Variants in H1-3 observed in about 807,000 individuals in gnomAD.
The protein encoded by H1-3 is histone H1.3.
H1-3 carries 4 observed loss-of-function variants against 3.6 expected under a neutral mutation model. That is an observed-to-expected ratio of 1.12 (90% CI 0.55 to 2.57). H1-3 has a LOEUF of 2.57. H1-3 is among the 30% of genes most tolerant of loss of function. The pLI, the probability that H1-3 is intolerant of heterozygous loss-of-function variation, is 0.02. For synonymous variants in H1-3, 266 were observed against 110.0 expected, an observed-to-expected ratio of 2.42 and a Z score of -8.87; for missense variants, 670 against 274.3, an observed-to-expected ratio of 2.44 and a Z score of -10.19.
At position 26,234,590 on chromosome 6, in the gene H1-3, C is replaced by T; in HGVS notation, c.344G>A (p.Gly115Glu). The change falls in exon 1 of 1, where the codon GGG (glycine) becomes GAG (glutamate). Residue 115 changes from glycine (G) to glutamate (E), a missense_variant. Gly to Glu is a moderately conservative substitution (Grantham distance 98). Transcript: ENST00000244534. ...CTTTTTGGCCTTGGGTTTGCCTTCC[C>T]CGGAAGCCGCTTTCTTGTTGAGTTT... ...SFKLNKKAAS[G>E]EGKPKAKKAG... is the part of the protein sequence containing the mutation. The T allele has an allele frequency of 6.2e-7, 1 of 1,613,908 alleles. No homozygotes were observed. Among genetic ancestry groups the T allele is most frequent in the South Asian group, 1.1e-5 (1 of 91,074 alleles).
Position 26,234,517 on chromosome 6 carries a change from G to A in H1-3, c.417C>T (p.Pro139=), listed in dbSNP as rs765464375. ...GGGTAGCGGCGCCAGCCACCTTCTT[G>A]GGCTTCTTGGCTGCCCCAGCAGGCT... is the stretch of plus-strand genomic sequence containing the variant. ...PRKPAGAAKK[P]KKVAGAATPK... The change falls in exon 1 of 1, where the codon CCC becomes CCT. Residue 139 remains proline, a synonymous_variant. Transcript: ENST00000244534. 3.1e-6 allele frequency: 5 copies of A among 1,613,712 alleles called. No homozygotes were observed. Among genetic ancestry groups the A allele is most frequent in the Non-Finnish European group, 3.4e-6 (4 of 1,179,912 alleles).
At position 26,234,883 on chromosome 6, in the gene H1-3, T is replaced by C; in HGVS notation, c.51A>G (p.Lys17=). ...TCTTCGCCTTTTTCTTCACAGGTGTTTTTTCTGCGGGTGCAGGAATGGTAG... is the reference window on the plus strand; with the variant it reads ...TCTTCGCCTTTTTCTTCACAGGTGTCTTTTCTGCGGGTGCAGGAATGGTAG... ...LAPTIPAPAE[K]TPVKKKAKKA... Residue 17 remains lysine, a synonymous_variant, in exon 1 of 1, where the codon AAA becomes AAG. Coordinates refer to ENST00000244534, the MANE Select transcript of H1-3 (RefSeq NM_005320.3). 2 of 1,613,084 alleles carry C rather than the reference T, an allele frequency of 1.2e-6. No individual in the cohort carries two copies. Among genetic ancestry groups the C allele is most frequent in the Non-Finnish European group, 1.7e-6 (2 of 1,179,752 alleles).
rs891905201 is a variant in H1-3, at chr6:26,234,320, G to C, written c.614C>G (p.Ser205Trp). Residue 205 changes from serine to tryptophan, a missense_variant, in exon 1 of 1, where the codon TCG becomes TGG. Coordinates refer to ENST00000244534, the MANE Select transcript of H1-3 (RefSeq NM_005320.3). ...APKPKAAKPK[S>W]GKPKVTKAKK... ...TGCCTTTGTAACCTTCGGCTTCCCC[G>C]ACTTAGGCTTGGCCGCCTTGGGCTT... 8.1e-6 allele frequency: 13 copies of C among 1,611,838 alleles called. No homozygotes were observed. The highest frequency in any genetic ancestry group is 1.7e-4 in the Middle Eastern group (1 of 6,044).
In H1-3 at chr6:26,234,315, T is replaced by C. The variant is rs758067755; in HGVS notation, c.619A>G (p.Lys207Glu). The change falls in exon 1 of 1, where the codon AAG (lysine) becomes GAG (glutamate). Residue 207 changes from lysine to glutamate, a missense_variant. Lys to Glu is a moderately conservative substitution (Grantham distance 56). Transcript: ENST00000244534. ...TTCTTTGCCTTTGTAACCTTCGGCT[T>C]CCCCGACTTAGGCTTGGCCGCCTTG... ...KPKAAKPKSG[K>E]PKVTKAKKAA... is the part of the protein sequence containing the mutation. 4 of 1,610,640 alleles carry C rather than the reference T, an allele frequency of 2.5e-6. No homozygotes were observed. The Middle Eastern group carries it at 5.0e-4, about 200-fold the overall frequency.
chr6:26,234,396 T>C lies in H1-3; in HGVS notation c.538A>G (p.Thr180Ala), dbSNP rs549078527. Residue 180 changes from threonine (T) to alanine (A), a missense_variant, in exon 1 of 1, where the codon ACA becomes GCA. Physicochemically the swap from Thr to Ala is moderately conservative, Grantham distance 58. Coordinates refer to ENST00000244534, the MANE Select transcript of H1-3 (RefSeq NM_005320.3). ...TTGGCAGCTTTTTTTGGCTGAGGTG[T>C]TTTCACCTTTTTCGCACTCTTGGCC... Reference protein sequence around the residue: ...KVAKSAKKVKTPQPKKAAKSP... With the variant: ...KVAKSAKKVKAPQPKKAAKSP... 7 of 1,614,044 alleles carry C rather than the reference T, an allele frequency of 4.3e-6. No homozygotes were observed. Among genetic ancestry groups the C allele is most frequent in the African/African-American group, 4.0e-5 (3 of 74,914 alleles).
Position 26,234,945 on chromosome 6 carries a change from C to T in H1-3, c.-12G>A, listed in dbSNP as rs111312434. ...GCAGTCTCCGACATGTTTTTGTCTT[C>T]CCAGAAAAGACAATAAGTAATCTCA... On this transcript the variant is annotated 5_prime_UTR_variant, in exon 1 of 1. Coordinates refer to ENST00000244534, the MANE Select transcript of H1-3 (RefSeq NM_005320.3). The T allele has an allele frequency of 3.7e-5, 59 of 1,585,882 alleles. No individual in the cohort carries two copies. In the African/African-American group the frequency reaches 5.0e-4, roughly 14 times the overall value.
Position 26,234,220 on chromosome 6 carries a change from T to C in H1-3, c.*48A>G. On this transcript the variant is annotated 3_prime_UTR_variant, in exon 1 of 1. Transcript: ENST00000244534. ...CTTTTGACTGAGACCTGTGGGTGGC[T>C]CTGAAAAGAGCCGTTTAAAATTTTC... 1 of 1,537,302 alleles carries C rather than the reference T, an allele frequency of 6.5e-7. No individual in the cohort carries two copies. Among genetic ancestry groups the C allele is most frequent in the Non-Finnish European group, 8.7e-7 (1 of 1,143,568 alleles).
In H1-3 at chr6:26,234,393, G is replaced by A. The variant is rs532920209; in HGVS notation, c.541C>T (p.Pro181Ser). The A allele has an allele frequency of 3.8e-5, 62 of 1,614,226 alleles. No individual in the cohort carries two copies. In the South Asian group the frequency reaches 4.6e-4, roughly 12 times the overall value. The stretch of plus-strand genomic sequence containing the variant: ...CTCTTGGCAGCTTTTTTTGGCTGAG[G>A]TGTTTTCACCTTTTTCGCACTCTTG... ...VAKSAKKVKTPQPKKAAKSPA... is the reference protein window; with the variant it reads ...VAKSAKKVKTSQPKKAAKSPA... The change falls in exon 1 of 1, where the codon CCT becomes TCT. Residue 181 changes from proline (P) to serine (S), a missense_variant. By Grantham distance (74) the Pro-to-Ser change is moderately conservative (BLOSUM62 -1). Transcript: ENST00000244534.
chr6:26,234,870 T>G lies in H1-3; in HGVS notation c.64A>C (p.Lys22Gln). 1 of 1,613,796 alleles carries G rather than the reference T, an allele frequency of 6.2e-7. No homozygotes were observed. The highest frequency in any genetic ancestry group is 1.1e-5 in the South Asian group (1 of 91,040). Residue 22 changes from lysine (K) to glutamine (Q), a missense_variant, in exon 1 of 1, where the codon AAA becomes CAA. Transcript: ENST00000244534. ...PAPAEKTPVK[K>Q]KAKKAGATAG... ...GTTGCGCCTGCCTTCTTCGCCTTTT[T>G]CTTCACAGGTGTTTTTTCTGCGGGT...
chr6:26,234,466 A>G lies in H1-3; in HGVS notation c.468T>C (p.Pro156=), dbSNP rs1490284527. The part of the protein sequence containing the change: ...ATPKKSIKKT[P]KKVKKPATAA... ...CGGTTGCTGGCTTCTTTACCTTCTT[A>G]GGAGTCTTTTTGATGCTTTTCTTCG... The change falls in exon 1 of 1, where the codon CCT becomes CCC. Residue 156 remains proline, a synonymous_variant. Transcript: ENST00000244534. 1.9e-6 allele frequency: 3 copies of G among 1,613,948 alleles called. No homozygotes were observed. The highest frequency in any genetic ancestry group is 2.5e-6 in the Non-Finnish European group (3 of 1,179,938).
In H1-3 at chr6:26,234,276, T is replaced by C. The variant is rs1407491348; in HGVS notation, c.658A>G (p.Lys220Glu). 2 of 1,586,500 alleles carry C rather than the reference T, an allele frequency of 1.3e-6. No individual in the cohort carries two copies. Among genetic ancestry groups the C allele is most frequent in the East Asian group, 2.2e-5 (1 of 44,764 alleles). ...GGAACGTCCCGCCAGTTTCACTTTT[T>C]CTTCGGAGCTGCCTTCTTTGCCTTT... Reference protein sequence around the residue: ...VTKAKKAAPKKK With the variant: ...VTKAKKAAPKEK The change falls in exon 1 of 1, where the codon AAA becomes GAA. Residue 220 changes from lysine (K) to glutamate (E), a missense_variant. By Grantham distance (56) the Lys-to-Glu change is moderately conservative. Coordinates refer to ENST00000244534, the MANE Select transcript of H1-3 (RefSeq NM_005320.3).
chr6:26,234,799 G>A lies in H1-3; in HGVS notation c.135C>T (p.Ile45=), dbSNP rs200463287. Residue 45 remains isoleucine (I), a synonymous_variant, in exon 1 of 1, where the codon ATC becomes ATT. Coordinates refer to ENST00000244534, the MANE Select transcript of H1-3 (RefSeq NM_005320.3). ...KASGPPVSEL[I]TKAVAASKER... ...CCTTAGAAGCTGCCACTGCCTTGGT[G>A]ATAAGCTCAGATACTGGGGGTCCGG... The A allele has an allele frequency of 1.3e-5, 21 of 1,614,232 alleles. No homozygotes were observed. The highest frequency in any genetic ancestry group is 9.3e-5 in the African/African-American group (7 of 75,062).
chr6:26,234,434 C>T lies in H1-3; in HGVS notation c.500G>A (p.Gly167Glu), dbSNP rs934558900. 2.5e-6 allele frequency: 4 copies of T among 1,614,102 alleles called. No homozygotes were observed. The South Asian group carries it at 4.4e-5, about 18-fold the overall frequency. Reference sequence around the variant, plus strand: ...CGCACTCTTGGCCACTTTCTTGGTCCCAGCAGCGGTTGCTGGCTTCTTTAC... The same window carrying T: ...CGCACTCTTGGCCACTTTCTTGGTCTCAGCAGCGGTTGCTGGCTTCTTTAC... ...KKVKKPATAA[G>E]TKKVAKSAKK... The change falls in exon 1 of 1, where the codon GGG becomes GAG. Residue 167 changes from glycine to glutamate, a missense_variant. Gly to Glu is a moderately conservative substitution (Grantham distance 98). Coordinates refer to ENST00000244534, the MANE Select transcript of H1-3 (RefSeq NM_005320.3).
rs200716311 is a variant in H1-3 at position 26,234,721 on chromosome 6, G to A, written c.213C>T (p.Gly71=). 196 of 1,613,460 alleles carry A rather than the reference G, an allele frequency of 1.2e-4. No homozygotes were observed. The highest frequency in any genetic ancestry group is 1.5e-4 in the Non-Finnish European group (175 of 1,179,888). Residue 71 remains glycine, a synonymous_variant, in exon 1 of 1, where the codon GGC becomes GGT. Coordinates refer to ENST00000244534, the MANE Select transcript of H1-3 (RefSeq NM_005320.3). ...GGCTGTTGTTTTTTTCTACATCGTAGCCAGCAGCCGCAAGCGCTTTCTTAA... is the reference window on the plus strand; with the variant it reads ...GGCTGTTGTTTTTTTCTACATCGTAACCAGCAGCCGCAAGCGCTTTCTTAA... ...AALKKALAAA[G]YDVEKNNSRI...
In H1-3 at chr6:26,234,679, G is replaced by C. The variant is rs537346008; in HGVS notation, c.255C>G (p.Leu85=). 6 of 1,614,150 alleles carry C rather than the reference G, an allele frequency of 3.7e-6. No homozygotes were observed. In the Admixed American group the frequency reaches 8.3e-5, roughly 22 times the overall value. The change falls in exon 1 of 1, where the codon CTC becomes CTG. Residue 85 remains leucine, a synonymous_variant. Coordinates refer to ENST00000244534, the MANE Select transcript of H1-3 (RefSeq NM_005320.3). ...EKNNSRIKLG[L]KSLVSKGTLV... ...GAGTACCTTTGCTCACCAAGCTCTT[G>C]AGGCCAAGCTTGATACGGCTGTTGT... is the stretch of plus-strand genomic sequence containing the variant.
Position 26,234,556 on chromosome 6 carries a change from T to G in H1-3, c.378A>C (p.Ala126=), listed in dbSNP as rs759453204. 1.5e-5 allele frequency: 24 copies of G among 1,612,564 alleles called. No homozygotes were observed. In the African/African-American group the frequency reaches 2.7e-4, roughly 18 times the overall value. The change falls in exon 1 of 1, where the codon GCA becomes GCC. Residue 126 remains alanine, a synonymous_variant. Coordinates refer to ENST00000244534, the MANE Select transcript of H1-3 (RefSeq NM_005320.3). ...CCCCAGCAGGCTTCCTAGGCTTGGC[T>G]GCGCCAGCCTTTTTGGCCTTGGGTT... ...EGKPKAKKAG[A]AKPRKPAGAA...
In H1-3 at chr6:26,234,340, G is replaced by C. The variant is rs754961950; in HGVS notation, c.594C>G (p.Pro198=). 13 of 1,614,108 alleles carry C rather than the reference G, an allele frequency of 8.1e-6. No homozygotes were observed. The highest frequency in any genetic ancestry group is 1.1e-5 in the Non-Finnish European group (13 of 1,180,014). ...TCCCCGACTTAGGCTTGGCCGCCTT[G>C]GGCTTAGGGGCTTTGGCCTTAGCTG... ...KSPAKAKAPK[P]KAAKPKSGKP... Residue 198 remains proline, a synonymous_variant, in exon 1 of 1, where the codon CCC becomes CCG. Coordinates refer to ENST00000244534, the MANE Select transcript of H1-3 (RefSeq NM_005320.3).
rs761793622 is a variant in H1-3 at position 26,234,957 on chromosome 6, AAT to A, written c.-26_-25del. On this transcript the variant is annotated 5_prime_UTR_variant, in exon 1 of 1. Transcript: ENST00000244534. ...ATGTTTTTGTCTTCCCAGAAAAGAC[AAT>A]AAGTAATCTCAAACTGTCAGAACAG... The A allele has an allele frequency of 3.3e-5, 52 of 1,574,746 alleles. No homozygotes were observed. The Admixed American group carries it at 3.6e-4, about 11-fold the overall frequency.
rs1759752778 is a variant in H1-3 at position 26,234,789 on chromosome 6, C to T, written c.145G>A (p.Val49Met). The change falls in exon 1 of 1, where the codon GTG (valine) becomes ATG (methionine). Residue 49 changes from valine (V) to methionine (M), a missense_variant. Val to Met is a conservative substitution (Grantham distance 21). Coordinates refer to ENST00000244534, the MANE Select transcript of H1-3 (RefSeq NM_005320.3). ...CCGCTGCGCTCCTTAGAAGCTGCCA[C>T]TGCCTTGGTGATAAGCTCAGATACT... ...PPVSELITKA[V>M]AASKERSGVS... is the part of the protein sequence containing the mutation. 6.2e-7 allele frequency: 1 copy of T among 1,614,242 alleles called. No individual in the cohort carries two copies. Among genetic ancestry groups the T allele is most frequent in the Non-Finnish European group, 8.5e-7 (1 of 1,180,050 alleles).
Sources: gnomAD v4.1 joint callset for allele counts on GRCh38, gnomAD v4.1.1 for gene constraint, MANE v1.5 for transcripts, NCBI Gene and HGNC (gene_info 2026-07-23, HGNC 2026-07-21) for gene names.